Variants in MAPK6 observed in about 807,000 individuals in gnomAD.
MAPK6 encodes mitogen-activated protein kinase 6.
Under a neutral mutation model 59.3 loss-of-function variants are expected in MAPK6, and 19 were observed. The observed-to-expected ratio is 0.32, with a 90% CI of 0.22 to 0.47. The LOEUF is 0.47. MAPK6 is among the 20% of genes least tolerant of loss of function. The pLI is 1.00. For synonymous variants in MAPK6, 316 were observed against 290.3 expected (o/e 1.09, Z -0.90); for missense variants, 724 against 847.9 (o/e 0.85, Z 1.81).
chr15:51,972,744 C>G (rs1442708989), intron 1 of MAPK6, among the ~76,000 whole-genome samples: 1 of 150,758 alleles, frequency 6.6e-6, no homozygotes, highest in Non-Finnish European at 1.5e-5. Flanking sequence ...ATGGCGTGAA[C>G]CCAGGAGGCG....
chr15:52,019,260 A>G lies in MAPK6; in HGVS notation c.-748A>G, dbSNP rs2030388667. Reference sequence around the variant, plus strand: ...CGCGGGTCGGGGTTACATGGCGGCGACTGCGGCAAAGCGAGAGCCTCGGAG... The same window carrying G: ...CGCGGGTCGGGGTTACATGGCGGCGGCTGCGGCAAAGCGAGAGCCTCGGAG... On this transcript the variant is annotated 5_prime_UTR_variant, in exon 1 of 6. Transcript: ENST00000261845. 6.6e-6 allele frequency: 1 copy of G among 151,936 alleles called. No homozygotes were observed. The highest frequency in any genetic ancestry group is 2.1e-4 in the South Asian group (1 of 4,820). 9.4% of individuals were successfully genotyped at this position (151,936 alleles called of 1,614,324 possible).
At chr15:52,006,606 G>A (rs925691639) in intron 3 of MAPK6, among the ~76,000 whole-genome samples, 1 of 152,172 alleles carries the variant, frequency 6.6e-6, no homozygotes, top group African/African-American at 2.4e-5. Flanking sequence ...AGCTATTCTT[G>A]TGTGCTTAGT....
intron 2 of MAPK6, among the ~76,000 whole-genome samples, chr15:51,991,398 A>G (rs115015732): frequency 0.018 from 2,707 of 152,274 alleles, 80 homozygotes; most frequent in African/African-American, 0.062. Flanking sequence ...TCTATGAGAT[A>G]GAAAATTTAG....
chr15:51,999,137 A>T (rs952148654), intron 2 of MAPK6, among the ~76,000 whole-genome samples: 11 of 152,136 alleles, frequency 7.2e-5, no homozygotes, highest in Admixed American at 5.2e-4. Context: ...CTGAGAATAC[A>T]GGTGGGCCCC....
chr15:51,982,675 C>T (rs1249421647), intron 1 of MAPK6, among the ~76,000 whole-genome samples: 1 of 150,910 alleles, frequency 6.6e-6, no homozygotes, highest in African/African-American at 2.4e-5. Flanking sequence ...CGTGTTTTTC[C>T]CAAGTAAAAA....
In MAPK6 at chr15:52,036,441, C is replaced by A. The variant is rs1224183735; in HGVS notation, c.-631-9389C>A. ...TGGCAGTCTGATACCATGGTGCCGG[C>A]ATCTGGTGAGGGTCTCCTTTCTGCA... On this transcript the variant is annotated intron_variant, in intron 1 of 5. Transcript: ENST00000261845. Among the ~76,000 whole-genome samples the A allele has an allele frequency of 2.6e-5, 4 of 152,276 alleles. No individual in the cohort carries two copies. The South Asian group carries it at 8.3e-4, about 32-fold the overall frequency.
Position 51,978,618 on chromosome 15 carries a change from C to T in MAPK6, c.-879-4588C>T, listed in dbSNP as rs149155012. On this transcript the variant is annotated intron_variant, in intron 1 of 7. Coordinates refer to the MAPK6 transcript ENST00000691380. ...GCCACCAAAATGAGTTATGAAAGTA[C>T]GCTCAATTTCAGAGATTTTTTGGGG... is the stretch of plus-strand genomic sequence containing the variant. Among the ~76,000 whole-genome samples the T allele has an allele frequency of 4.4e-3, 664 of 151,586 alleles. 7 individuals carry two copies. Among genetic ancestry groups the T allele is most frequent in the African/African-American group, 0.015 (635 of 41,424 alleles).
At chr15:51,984,342 C>T (rs1297380440) in intron 2 of MAPK6, among the ~76,000 whole-genome samples, 1 of 151,708 alleles carries the variant, frequency 6.6e-6, no homozygotes, top group Non-Finnish European at 1.5e-5. Flanking sequence ...AGTACAGTGA[C>T]ACAATCTCGG....
intron 3 of MAPK6, among the ~76,000 whole-genome samples, chr15:52,007,694 G>A (rs535783832): frequency 4.8e-4 from 67 of 139,510 alleles, no homozygotes; most frequent in African/African-American, 1.7e-3. Context: ...TAGAGCTAGA[G>A]CTCTATCTCA....
Position 52,065,886 on chromosome 15 carries a change from A to G in MAPK6, c.*886A>G, listed in dbSNP as rs1189814103. The stretch of plus-strand genomic sequence containing the variant: ...GTGCTCACTGTGTATAGGAATTTGT[A>G]TTTTGGAGGTGCTTGATCTATCTAC... On this transcript the variant is annotated 3_prime_UTR_variant, in exon 6 of 6. Transcript: ENST00000261845. 2 of 152,712 alleles carry G rather than the reference A, an allele frequency of 1.3e-5. No individual in the cohort carries two copies. Among genetic ancestry groups the G allele is most frequent in the African/African-American group, 2.4e-5 (1 of 41,550 alleles). 9.5% of individuals were successfully genotyped at this position (152,712 alleles called of 1,614,324 possible). A position where few individuals can be genotyped will look rare whatever the true frequency, so the allele number is the denominator to read the frequency against.
At chr15:51,984,737 A>C (rs2057185568) in intron 2 of MAPK6, among the ~76,000 whole-genome samples, 1 of 151,988 alleles carries the variant, frequency 6.6e-6, no homozygotes, top group Non-Finnish European at 1.5e-5. Flanking sequence ...TCATGGTGCA[A>C]ATATTCCTGC....
At chr15:52,042,003 TTGAC>T (rs933333673) in intron 1 of MAPK6, among the ~76,000 whole-genome samples, 5 of 152,194 alleles carry the variant, frequency 3.3e-5, no homozygotes, top group East Asian at 1.9e-4. Context: ...TGCCAAGAGA[TTGAC>T]TGACACAAAT....
chr15:51,995,380 C>T (rs2057221484), intron 2 of MAPK6, among the ~76,000 whole-genome samples: 1 of 152,168 alleles, frequency 6.6e-6, no homozygotes, highest in Non-Finnish European at 1.5e-5. Flanking sequence ...GAGTTGATGA[C>T]TGATTGCTGT....
intron 1 of MAPK6, among the ~76,000 whole-genome samples, chr15:52,038,179 C>G (rs149728545): frequency 6.7e-6 from 1 of 149,902 alleles, no homozygotes; most frequent in Admixed American, 6.7e-5. Context: ...AAATTGACCT[C>G]TGCTATAGCT....
chr15:52,041,756 G>C (rs916099597), intron 1 of MAPK6, among the ~76,000 whole-genome samples: 1 of 152,202 alleles, frequency 6.6e-6, no homozygotes, highest in African/African-American at 2.4e-5. Context: ...AGGAGAGCAT[G>C]AGAGGCCTCT....
At chr15:52,010,799 G>T (rs907685735) in intron 3 of MAPK6, among the ~76,000 whole-genome samples, 1 of 152,302 alleles carries the variant, frequency 6.6e-6, no homozygotes, top group South Asian at 2.1e-4. Flanking sequence ...GATTATGGGC[G>T]TGAGCCACCG....
chr15:52,002,915 G>A (rs751358968), intron 2 of MAPK6, among the ~76,000 whole-genome samples: 9 of 152,106 alleles, frequency 5.9e-5, no homozygotes, highest in African/African-American at 1.9e-4. Context: ...ATCACCGGGC[G>A]CGGTGGCTCA....
Position 52,052,284 on chromosome 15 carries a change from C to A in MAPK6, c.700+2147C>A, listed in dbSNP as rs1007006141. ...GTTACCAAGAGGCTTCGGTTCCTCA[C>A]CATGTGGGCTTCTCCATAGGACTGC... On this transcript the variant is annotated intron_variant, in intron 3 of 5. Coordinates refer to ENST00000261845, the MANE Select transcript of MAPK6 (RefSeq NM_002748.4). Among the ~76,000 whole-genome samples the A allele has an allele frequency of 5.3e-5, 8 of 152,266 alleles. No individual in the cohort carries two copies. In the South Asian group the frequency reaches 1.4e-3, roughly 28 times the overall value.
At chr15:52,022,024 A>G (rs1489897607) in intron 1 of MAPK6, among the ~76,000 whole-genome samples, 1 of 152,156 alleles carries the variant, frequency 6.6e-6, no homozygotes, top group Non-Finnish European at 1.5e-5. Flanking sequence ...AAGATTGAGA[A>G]TGGCAGTTTA....
Sources: gnomAD v4.1 joint callset for allele counts (sites outside exome capture counted in the v4.1 genomes callset) on GRCh38, gnomAD v4.1.1 for gene constraint, MANE v1.5 for transcripts, NCBI Gene and HGNC (gene_info 2026-07-23, HGNC 2026-07-21) for gene names.